Variants in PDK1 observed in about 807,000 individuals in gnomAD.
PDK1 encodes pyruvate dehydrogenase kinase 1, also known as [Pyruvate dehydrogenase (acetyl-transferring)] kinase isozyme 1, mitochondrial.
PDK1 carries 39 observed loss-of-function variants against 54.2 expected under a neutral mutation model. That is an observed-to-expected ratio of 0.72 (90% confidence interval 0.56 to 0.94). PDK1 has a LOEUF of 0.94. Ranked by LOEUF, PDK1 falls within the 40% of genes least tolerant of loss-of-function variation. PDK1 has a pLI of 0.00. For missense variants in PDK1, 552 were observed against 566.0 expected (o/e 0.98, Z 0.25); for synonymous variants, 221 against 207.1 (o/e 1.07, Z -0.58).
chr2:172,651,977 A>G, the PDK1 span, among the ~76,000 whole-genome samples: 1 of 152,220 alleles, frequency 6.6e-6, no homozygotes. Flanking sequence ...ATGAGGCCAG[A>G]AACATCCTGA....
rs143327681 is a variant in PDK1 at position 172,557,770 on chromosome 2, C to T, written c.197-938C>T. ...GATGATAGGTGTGAGCCACCATGCCCGGACTGCACTTAATCTTTGCTTATG... is the reference window on the plus strand; with the variant it reads ...GATGATAGGTGTGAGCCACCATGCCTGGACTGCACTTAATCTTTGCTTATG... On this transcript the variant is annotated intron_variant, in intron 1 of 10. Transcript: ENST00000282077. Among the ~76,000 whole-genome samples, 500 of 151,822 alleles carry T rather than the reference C, an allele frequency of 3.3e-3. 1 individual carries two copies. The highest frequency in any genetic ancestry group is 0.014 in the Middle Eastern group (4 of 294).
the PDK1 span, among the ~76,000 whole-genome samples, chr2:172,646,735 C>CTTTTTTTTTTTTTTTTTTTTTTTT: frequency 3.6e-4 from 26 of 72,048 alleles, 6 homozygotes; most frequent in African/African-American, 1.2e-3. Context: ...CTTGCATTTC[C>CTTTTTTTTTTTTTTTTTTTTTTTT]TTTTTTTTTT....
chr2:172,651,431 A>C, the PDK1 span, among the ~76,000 whole-genome samples: 1 of 152,228 alleles, frequency 6.6e-6, no homozygotes, highest in Admixed American at 6.5e-5. Context: ...AAGCAAGAGC[A>C]AACACATTCA....
chr2:172,671,940 C>T, the PDK1 span, among the ~76,000 whole-genome samples: 1 of 152,082 alleles, frequency 6.6e-6, no homozygotes, highest in Admixed American at 6.5e-5. Context: ...ATATTTATTT[C>T]ATGAGTGAAC....
chr2:172,680,860 G>A, the PDK1 span, among the ~76,000 whole-genome samples: 1 of 152,226 alleles, frequency 6.6e-6, no homozygotes, highest in Non-Finnish European at 1.5e-5. Flanking sequence ...AGCAGCTACA[G>A]AGGGCCTGGG....
chr2:172,711,954 T>C, the PDK1 span, among the ~76,000 whole-genome samples: 11 of 151,282 alleles, frequency 7.3e-5, no homozygotes, highest in African/African-American at 4.8e-5. Context: ...TATGTTCTTA[T>C]CTGTCTTATA....
chr2:172,610,910 C>T (rs1213894831), downstream of PDK1, among the ~76,000 whole-genome samples: 1 of 152,212 alleles, frequency 6.6e-6, no homozygotes, highest in East Asian at 1.9e-4. Context: ...CTGCACCCAG[C>T]CTCTATTTAA....
At chr2:172,622,081 G>GTTTATATCTCATATAT in the PDK1 span, among the ~76,000 whole-genome samples, 3 of 123,854 alleles carry the variant, frequency 2.4e-5, no homozygotes, top group South Asian at 1.3e-3. Context: ...CATATATTAT[G>GTTTATATCTCATATAT]TGAGATATGT....
At chr2:172,647,469 G>A in the PDK1 span, among the ~76,000 whole-genome samples, 1 of 152,020 alleles carries the variant, frequency 6.6e-6, no homozygotes, top group East Asian at 1.9e-4. Context: ...GGACACAGGA[G>A]GCAACTTATG....
chr2:172,682,696 G>C, the PDK1 span, among the ~76,000 whole-genome samples: 1 of 152,194 alleles, frequency 6.6e-6, no homozygotes, highest in East Asian at 1.9e-4. Context: ...TAAATTTCTT[G>C]TTCTTGAAAA....
the PDK1 span, among the ~76,000 whole-genome samples, chr2:172,670,061 AAATTATTTAGAG>A: frequency 6.6e-6 from 1 of 152,122 alleles, no homozygotes; most frequent in Non-Finnish European, 1.5e-5. Context: ...TTTAAAAAAA[AAATTATTTAGAG>A]ACAGGGTCTT....
At chr2:172,671,092 C>CT in the PDK1 span, among the ~76,000 whole-genome samples, 437 of 140,080 alleles carry the variant, frequency 3.1e-3, 3 homozygotes, top group African/African-American at 9.6e-3. Context: ...TTTTGGGTGT[C>CT]TTTTTTTTTT....
the PDK1 span, among the ~76,000 whole-genome samples, chr2:172,696,605 A>G: frequency 6.6e-6 from 1 of 152,228 alleles, no homozygotes; most frequent in African/African-American, 2.4e-5. Context: ...ACATAGGATC[A>G]CTGACATATT....
chr2:172,611,730 G>A (rs1691467871), downstream of PDK1, among the ~76,000 whole-genome samples: 1 of 152,190 alleles, frequency 6.6e-6, no homozygotes. Flanking sequence ...TCTAAGTAAG[G>A]ATGGTTCAAG....
At chr2:172,640,478 A>G in the PDK1 span, among the ~76,000 whole-genome samples, 2 of 152,200 alleles carry the variant, frequency 1.3e-5, no homozygotes, top group South Asian at 2.1e-4. Context: ...ACCCTCAGAC[A>G]AAGACTGAGA....
At chr2:172,571,010 C>G (rs1369885883) in intron 8 of PDK1, among the ~76,000 whole-genome samples, 186 bp downstream of exon 8, 1 of 152,146 alleles carries the variant, frequency 6.6e-6, no homozygotes, top group Non-Finnish European at 1.5e-5. Flanking sequence ...TCCCTTGAGT[C>G]TTTTCTATGC....
At chr2:172,691,963 A>C in the PDK1 span, among the ~76,000 whole-genome samples, 1 of 152,232 alleles carries the variant, frequency 6.6e-6, no homozygotes, top group African/African-American at 2.4e-5. Context: ...GAATATGTTT[A>C]GTCTTGTAAG....
rs1691274963 is a variant in PDK1 at position 172,605,884 on chromosome 2, C to G, written c.*9915C>G. 1 of 152,162 alleles carries G rather than the reference C, an allele frequency of 6.6e-6. No individual in the cohort carries two copies. Among genetic ancestry groups the G allele is most frequent in the African/African-American group, 2.4e-5 (1 of 41,416 alleles). The allele number at this position is 152,162 out of a possible 1,614,324, so 9.4% of individuals were successfully genotyped here. On this transcript the variant is annotated 3_prime_UTR_variant, in exon 11 of 11. Coordinates refer to ENST00000282077, the MANE Select transcript of PDK1 (RefSeq NM_002610.5). ...GAAAAGGTCAGCGTGCTGATATTCACTAACTACTACCCCCACAACTCCCCC... is the reference window on the plus strand; with the variant it reads ...GAAAAGGTCAGCGTGCTGATATTCAGTAACTACTACCCCCACAACTCCCCC...
chr2:172,681,851 C>T, the PDK1 span, among the ~76,000 whole-genome samples: 31 of 152,246 alleles, frequency 2.0e-4, no homozygotes, highest in African/African-American at 5.8e-4. Context: ...TTCCATCTCC[C>T]AGGTTCAAGC....
Sources: allele counts gnomAD v4.1 joint callset (sites outside exome capture counted in the v4.1 genomes callset), GRCh38; gene constraint gnomAD v4.1.1; transcripts MANE v1.5; gene names NCBI Gene and HGNC (gene_info 2026-07-23, HGNC 2026-07-21).